LCT: variants seen among roughly 807,000 people sequenced by gnomAD.
LCT encodes the protein lactase.
LCT carries 90 observed loss-of-function variants against 173.0 expected under a neutral mutation model. That is an observed-to-expected ratio of 0.52 (90% CI 0.44 to 0.62). The LOEUF is 0.62. Ranked by LOEUF, LCT falls within the 20% of genes least tolerant of loss-of-function variation. The pLI is 0.00. For missense variants in LCT, 1,864 were observed against 2,431.4 expected (o/e 0.77, Z 4.91); for synonymous variants, 853 against 957.6 (o/e 0.89, Z 2.02).
At position 135,788,301 on chromosome 2, in the gene LCT, A is replaced by G. The variant is rs1253270566; in HGVS notation, c.*23T>C. On this transcript the variant is annotated 3_prime_UTR_variant, in exon 17 of 17. Coordinates refer to ENST00000264162, the MANE Select transcript of LCT (RefSeq NM_002299.4). ...TAGATGAAGAAACTAGGCCTGCTTC[A>G]TAGAACTTGAGGTGGTAACTCATCA... 3 of 1,564,968 alleles carry G rather than the reference A, an allele frequency of 1.9e-6. No homozygotes were observed. The highest frequency in any genetic ancestry group is 1.4e-5 in the African/African-American group (1 of 73,950).
At chr2:135,817,254 C>T (rs2077787328) in intron 6 of LCT, 87 bp downstream of exon 6, 2 of 1,459,302 alleles carry the variant, frequency 1.4e-6, no homozygotes, top group East Asian at 4.6e-5. Context: ...TAAAGGCTTG[C>T]TGATGGAAGA....
Position 135,809,735 on chromosome 2 carries a change from G to A in LCT, c.2612C>T (p.Thr871Ile), listed in dbSNP as rs371170102. The change falls in exon 8 of 17, where the codon ACT becomes ATT. Residue 871 changes from threonine (T) to isoleucine (I), a missense_variant. Physicochemically the swap from Thr to Ile is moderately conservative, Grantham distance 89 (BLOSUM62 -1). Transcript: ENST00000264162. This position sits in a 1 kb window ranked among gnomAD's most constrained non-coding sequence, Gnocchi z 5.5. ...VNLPSKVRAF[T>I]FPSEVPSKAK... ...CTTGGAGGGCACCTCAGATGGAAAA[G>A]TGAAGGCTCTGACTTTGGAGGGGAG... is the stretch of plus-strand genomic sequence containing the variant. 5 of 1,614,152 alleles carry A rather than the reference G, an allele frequency of 3.1e-6. No homozygotes were observed. In the African/African-American group the frequency reaches 6.7e-5, roughly 22 times the overall value.
At chr2:135,792,769 G>A (rs2077543171) in intron 14 of LCT, among the ~76,000 whole-genome samples, 1 of 152,154 alleles carries the variant, frequency 6.6e-6, no homozygotes, top group South Asian at 2.1e-4. Context: ...GCTCAGATAT[G>A]CCTAATGCTG....
intron 15 of LCT, 127 bp from the exon 16 acceptor site, chr2:135,789,925 T>C (rs1284693375): frequency 1.3e-6 from 1 of 781,424 alleles, no homozygotes; most frequent in Non-Finnish European, 2.3e-6. Context: ...AAGCTTTGGC[T>C]TTAGCTCTGT....
chr2:135,808,039 CA>C (rs1182380031), intron 8 of LCT, among the ~76,000 whole-genome samples: 306 of 138,268 alleles, frequency 2.2e-3, no homozygotes, highest in African/African-American at 4.0e-3. Flanking sequence ...GACTCCATCT[CA>C]AAAAAAAAAA....
At chr2:135,817,177 T>G (rs777783889) in intron 6 of LCT, among the ~76,000 whole-genome samples, 164 bp downstream of exon 6, 1 of 152,168 alleles carries the variant, frequency 6.6e-6, no homozygotes, top group African/African-American at 2.4e-5. Context: ...GGCCAGGTGA[T>G]TAACAATTTA....
chr2:135,817,436 C>G lies in LCT; in HGVS notation c.1612G>C (p.Val538Leu), dbSNP rs976388792. 2 of 1,614,002 alleles carry G rather than the reference C, an allele frequency of 1.2e-6. No individual in the cohort carries two copies. Among genetic ancestry groups the G allele is most frequent in the Non-Finnish European group, 1.7e-6 (2 of 1,180,028 alleles). The change falls in exon 6 of 17, where the codon GTG becomes CTG. Residue 538 changes from valine (V) to leucine (L), a missense_variant. This residue lies in a region of LCT where 183 missense variants were observed against 293.1 expected (regional missense o/e 0.62). Coordinates refer to ENST00000264162, the MANE Select transcript of LCT (RefSeq NM_002299.4). Reference sequence around the variant, plus strand: ...ATCACCCACGGCTCATGGAAGGTCACCCACAGCTTCACACGGTCCCCAAAT... The same window carrying G: ...ATCACCCACGGCTCATGGAAGGTCAGCCACAGCTTCACACGGTCCCCAAAT... ...STFGDRVKLW[V>L]TFHEPWVMSY...
intron 14 of LCT, among the ~76,000 whole-genome samples, chr2:135,793,697 GA>G (rs2105519525): frequency 6.6e-6 from 1 of 152,252 alleles, no homozygotes; most frequent in African/African-American, 2.4e-5. Flanking sequence ...AGAGAAAGGT[GA>G]AAATTAACTT....
At position 135,817,389 on chromosome 2, in the gene LCT, G is replaced by A. The variant is rs142388926; in HGVS notation, c.1659C>T (p.Thr553=). Residue 553 remains threonine (T), a synonymous_variant, in exon 6 of 17, where the codon ACC becomes ACT. Coordinates refer to ENST00000264162, the MANE Select transcript of LCT (RefSeq NM_002299.4). The part of the protein sequence containing the change: ...PWVMSYAGYG[T]GQHPPGISDP... ...CAGAGATGCCGGGAGGGTGCTGGCC[G>A]GTGCCATAGCCTGCGTAGCTCATCA... The A allele has an allele frequency of 1.8e-5, 29 of 1,613,920 alleles. No homozygotes were observed. Among genetic ancestry groups the A allele is most frequent in the African/African-American group, 1.3e-4 (10 of 74,918 alleles).
intron 6 of LCT, among the ~76,000 whole-genome samples, chr2:135,814,197 T>G (rs947852667): frequency 4.6e-5 from 7 of 152,242 alleles, no homozygotes; most frequent in Non-Finnish European, 1.5e-5. Flanking sequence ...CATGTCAAAA[T>G]ATGCCATAAT....
At chr2:135,796,941 ATTTTTT>A (rs997582132) in intron 13 of LCT, among the ~76,000 whole-genome samples, 4 of 118,762 alleles carry the variant, frequency 3.4e-5, no homozygotes, top group African/African-American at 6.5e-5. Flanking sequence ...TGGGAGCTGG[ATTTTTT>A]TTTTTTTTTT....
chr2:135,789,790 C>T lies in LCT; in HGVS notation c.5344G>A (p.Asp1782Asn). ...YINEALKAVQ[D>N]KVDLRGYTVW... is the part of the protein sequence containing the mutation. ...GTGTATCCTCGAAGGTCCACCTTGTCCTGCACAGCTGCTCAAACACAGAGG... is the reference window on the plus strand; with the variant it reads ...GTGTATCCTCGAAGGTCCACCTTGTTCTGCACAGCTGCTCAAACACAGAGG... The change falls in exon 16 of 17, where the codon GAC (aspartate) becomes AAC (asparagine). Residue 1782 changes from aspartate (D) to asparagine (N), a missense_variant. Coordinates refer to ENST00000264162, the MANE Select transcript of LCT (RefSeq NM_002299.4). 6.2e-7 allele frequency: 1 copy of T among 1,613,774 alleles called. No individual in the cohort carries two copies. Among genetic ancestry groups the T allele is most frequent in the Non-Finnish European group, 8.5e-7 (1 of 1,179,634 alleles).
intron 9 of LCT, among the ~76,000 whole-genome samples, chr2:135,805,477 C>T (rs900400388): frequency 6.6e-6 from 1 of 152,224 alleles, no homozygotes; most frequent in Non-Finnish European, 1.5e-5. Flanking sequence ...AGGCAAGTCA[C>T]TCTTGCCTTT....
intron 9 of LCT, among the ~76,000 whole-genome samples, chr2:135,805,954 A>T (rs999870068): frequency 1.3e-5 from 2 of 152,050 alleles, no homozygotes; most frequent in Non-Finnish European, 2.9e-5. Context: ...AGGGAGGAGG[A>T]TCACTTGAGG....
chr2:135,821,071 C>T (rs1236908271), intron 5 of LCT, among the ~76,000 whole-genome samples: 3 of 151,982 alleles, frequency 2.0e-5, no homozygotes, highest in Non-Finnish European at 4.4e-5. Flanking sequence ...TTAGTAGAGA[C>T]GGGGTTTCAC....
At chr2:135,834,793 A>AAAAAAAAAAAAAAAAAAAAAAAG in intron 1 of LCT, among the ~76,000 whole-genome samples, 1 of 139,528 alleles carries the variant, frequency 7.2e-6, no homozygotes, top group Admixed American at 7.0e-5. Flanking sequence ...ATCTCAAAAA[A>AAAAAAAAAAAAAAAAAAAAAAAG]AAAAAAAAAA....
chr2:135,809,554 G>A lies in LCT; in HGVS notation c.2793C>T (p.Ile931=). The A allele has an allele frequency of 6.2e-7, 1 of 1,614,258 alleles. No homozygotes were observed. The highest frequency in any genetic ancestry group is 8.5e-7 in the Non-Finnish European group (1 of 1,180,058). Residue 931 remains isoleucine (I), a synonymous_variant, in exon 8 of 17, where the codon ATC becomes ATT. Transcript: ENST00000264162. This position sits in a 1 kb window ranked among gnomAD's most constrained non-coding sequence, Gnocchi z 5.5. The part of the protein sequence containing the change: ...AWDADGKGPS[I]WDNFTHTPGS... ...CTGGTGTGTGGGTAAAGTTATCCCAGATGCTGGGGCCTTTGCCATCGGCAT... is the reference window on the plus strand; with the variant it reads ...CTGGTGTGTGGGTAAAGTTATCCCAAATGCTGGGGCCTTTGCCATCGGCAT...
At chr2:135,803,905 C>T (rs765916010) in intron 11 of LCT, 25 bp downstream of exon 11, 2 of 1,600,474 alleles carry the variant, frequency 1.2e-6, no homozygotes, top group African/African-American at 1.3e-5. Flanking sequence ...ATTCAAAGAG[C>T]CTATGAGCCA....
intron 13 of LCT, among the ~76,000 whole-genome samples, chr2:135,797,515 CCCTAATCTTTGCG>C (rs2105523063): frequency 6.6e-6 from 1 of 152,288 alleles, no homozygotes; most frequent in East Asian, 1.9e-4. Flanking sequence ...GGTGATCTTG[CCCTAATCTTTGCG>C]CCTCACTTTA....
Sources: allele counts gnomAD v4.1 joint callset (sites outside exome capture counted in the v4.1 genomes callset), GRCh38; gene constraint gnomAD v4.1.1; regional missense constraint gnomAD v4.1.1; non-coding constraint Gnocchi (gnomAD v3.1); transcripts MANE v1.5; gene names NCBI Gene and HGNC (gene_info 2026-07-23, HGNC 2026-07-21).